The following DOCK9 variants were observed in gnomAD, a reference collection of about 807,000 sequenced individuals.
DOCK9 encodes the protein dedicator of cytokinesis 9, also known as dedicator of cytokinesis protein 9.
In DOCK9, 89 loss-of-function variants were observed where a neutral mutation model predicts 263.3. That is an observed-to-expected ratio of 0.34 (90% CI 0.28 to 0.40). The LOEUF (loss-of-function observed/expected upper bound fraction) is 0.40, where lower values mean the gene tolerates loss of function less well. DOCK9 is among the 10% of genes least tolerant of loss of function. The probability of loss-of-function intolerance (pLI) is 1.00; values close to 1 mark genes in which losing one functional copy is unlikely to be tolerated. For missense variants in DOCK9, 2,140 were observed against 2,603.4 expected, an observed-to-expected ratio of 0.82 and a Z score of 3.87; for synonymous variants, 976 against 973.1, an observed-to-expected ratio of 1.00 and a Z score of -0.06.
At chr13:98,807,602 T>C in intron 48 of DOCK9, 59 bp downstream of exon 48, 1 of 1,392,656 alleles carries the variant, frequency 7.2e-7, no homozygotes, top group Non-Finnish European at 9.6e-7. Flanking sequence ...TAAAAATATA[T>C]AATATGTAAT....
intron 19 of DOCK9, 102 bp from the exon 20 acceptor site, chr13:98,885,933 G>A (rs964876879): frequency 8.9e-7 from 1 of 1,129,340 alleles, no homozygotes. Flanking sequence ...ACGTGCACTT[G>A]TTCTCCGAGC....
intron 15 of DOCK9, among the ~76,000 whole-genome samples, chr13:98,891,391 T>C (rs1408401203): frequency 1.3e-5 from 2 of 152,212 alleles, no homozygotes; most frequent in African/African-American, 4.8e-5. Context: ...TATGAAGTTG[T>C]ATCTGCTTTG....
chr13:99,036,998 C>G (rs1396263903), intron 1 of DOCK9, among the ~76,000 whole-genome samples: 2 of 152,202 alleles, frequency 1.3e-5, no homozygotes, highest in Non-Finnish European at 2.9e-5. Flanking sequence ...GATACAGTTT[C>G]TGCCCTCATA....
In DOCK9 at chr13:98,912,639, C is replaced by A. The variant is rs181456297; in HGVS notation, c.960+1689G>T. On this transcript the variant is annotated intron_variant, in intron 9 of 52. Coordinates refer to ENST00000682017, the MANE Select transcript of DOCK9 (RefSeq NM_001366683.2). ...AATATATGTATATCTTAAAAAATCT[C>A]CCTAGGTCTTGGGATCAAACAATAC... Among the ~76,000 whole-genome samples the A allele has an allele frequency of 1.4e-3, 210 of 151,894 alleles. 1 individual carries two copies. The highest frequency in any genetic ancestry group is 4.5e-3 in the African/African-American group (186 of 41,448).
chr13:98,861,772 T>G (rs952989786), intron 32 of DOCK9, among the ~76,000 whole-genome samples: 3 of 152,088 alleles, frequency 2.0e-5, no homozygotes, highest in African/African-American at 7.2e-5. Flanking sequence ...ATTTCTGGGG[T>G]CATCTCTCTA....
At chr13:98,848,076 A>G (rs555197777) in intron 37 of DOCK9, among the ~76,000 whole-genome samples, 27 of 152,328 alleles carry the variant, frequency 1.8e-4, no homozygotes, top group African/African-American at 6.5e-4. Flanking sequence ...AGGAAGAGAA[A>G]AGGCTCCATT....
intron 3 of DOCK9, among the ~76,000 whole-genome samples, chr13:98,926,642 G>A (rs2053017610): frequency 6.6e-6 from 1 of 152,214 alleles, no homozygotes; most frequent in African/African-American, 2.4e-5. Flanking sequence ...TAAAGCCTAA[G>A]ATTATAATGC....
chr13:98,799,435 G>C (rs764043893), intron 50 of DOCK9, among the ~76,000 whole-genome samples: 1 of 152,166 alleles, frequency 6.6e-6, no homozygotes, highest in African/African-American at 2.4e-5. Flanking sequence ...CTTGTTACTG[G>C]AGGGAGTGAT....
At chr13:99,085,741 G>T (rs1220354646) in intron 1 of DOCK9, among the ~76,000 whole-genome samples, 1 of 151,950 alleles carries the variant, frequency 6.6e-6, no homozygotes, top group Non-Finnish European at 1.5e-5. Context: ...CAACTCAAAG[G>T]GTTAGCAGGG....
rs764290158 is a variant in DOCK9, at chr13:98,877,960, C to T, written c.2943+1938G>A. ...GTCATGGGCTGACCTGTGCCCCCCTCGAATTCATATGTTGAAGTCCTAACC... is the reference window on the plus strand; with the variant it reads ...GTCATGGGCTGACCTGTGCCCCCCTTGAATTCATATGTTGAAGTCCTAACC... On this transcript the variant is annotated intron_variant, in intron 27 of 52. Coordinates refer to ENST00000682017, the MANE Select transcript of DOCK9 (RefSeq NM_001366683.2). Among the ~76,000 whole-genome samples the T allele has an allele frequency of 6.6e-5, 10 of 152,302 alleles. No individual in the cohort carries two copies. The East Asian group carries it at 1.9e-3, about 29-fold the overall frequency.
Position 98,794,698 on chromosome 13 carries a change from G to C in DOCK9, c.6207C>G (p.Ile2069Met). 6.2e-7 allele frequency: 1 copy of C among 1,613,962 alleles called. No homozygotes were observed. The highest frequency in any genetic ancestry group is 1.1e-5 in the South Asian group (1 of 91,064). The change falls in exon 53 of 53, where the codon ATC (isoleucine) becomes ATG (methionine). Residue 2069 changes from isoleucine to methionine, a missense_variant. Coordinates refer to ENST00000682017, the MANE Select transcript of DOCK9 (RefSeq NM_001366683.2). ...KTSVLPNSLH[I>M]FNAISGTPTS... The stretch of plus-strand genomic sequence containing the variant: ...TTGGAGTCCCACTGATGGCGTTGAA[G>C]ATGTGAAGGGAATTCGGTAAGACGC...
intron 29 of DOCK9, 150 bp downstream of exon 29, chr13:98,867,778 G>A: frequency 1.3e-6 from 1 of 750,912 alleles, no homozygotes. Context: ...TTCAATGAAG[G>A]ACTTCAGGTA....
At chr13:98,837,762 G>T (rs1235906063) in intron 38 of DOCK9, among the ~76,000 whole-genome samples, 153 bp from the exon 39 acceptor site, 1 of 142,108 alleles carries the variant, frequency 7.0e-6, no homozygotes, top group Non-Finnish European at 1.5e-5. Flanking sequence ...GGGGCGGGGT[G>T]GGAGGGGGAA....
rs1043892297 is a variant in DOCK9 at position 99,006,096 on chromosome 13, C to T, written c.130-50545G>A. ...CAAACCTCAGTTAGTAAAATAAGTA[C>T]CATAAAGAAATTAAACAAAATCAAA... On this transcript the variant is annotated intron_variant, in intron 1 of 32. Transcript: ENST00000427887. 3.3e-5 allele frequency among the ~76,000 whole-genome samples: 5 copies of T among 151,966 alleles called. No individual in the cohort carries two copies. The East Asian group carries it at 7.7e-4, about 23-fold the overall frequency.
chr13:98,803,685 C>T (rs1872112458), intron 49 of DOCK9, among the ~76,000 whole-genome samples: 2 of 152,000 alleles, frequency 1.3e-5, no homozygotes, highest in South Asian at 2.1e-4. Flanking sequence ...CATCTGGAAG[C>T]GCAGTTATTT....
At chr13:98,817,451 CTTTT>C (rs10683281) in intron 45 of DOCK9, among the ~76,000 whole-genome samples, 1 of 97,632 alleles carries the variant, frequency 1.0e-5, no homozygotes, top group Non-Finnish European at 1.8e-5. Context: ...ATACACCCAG[CTTTT>C]TTTTTTTTTT....
intron 2 of DOCK9, among the ~76,000 whole-genome samples, chr13:98,937,722 T>A (rs1443674803): frequency 2.6e-5 from 4 of 151,704 alleles, no homozygotes; most frequent in African/African-American, 9.7e-5. Flanking sequence ...GCTTTTTTTT[T>A]TTTTTTAACA....
intron 27 of DOCK9, among the ~76,000 whole-genome samples, chr13:98,872,414 T>TG (rs1491058893): frequency 9.6e-6 from 1 of 104,386 alleles, no homozygotes; most frequent in Non-Finnish European, 2.3e-5. Flanking sequence ...TTTTGTTTTT[T>TG]GTTTTTTTTT....
chr13:99,050,396 T>G (rs542980894), intron 1 of DOCK9, among the ~76,000 whole-genome samples: 3 of 152,118 alleles, frequency 2.0e-5, no homozygotes, highest in Non-Finnish European at 2.9e-5. Context: ...TATTCTCCCA[T>G]CCAATCAACA....
Sources: gnomAD v4.1 joint callset for allele counts (sites outside exome capture counted in the v4.1 genomes callset) on GRCh38, gnomAD v4.1.1 for gene constraint, MANE v1.5 for transcripts, NCBI Gene and HGNC (gene_info 2026-07-23, HGNC 2026-07-21) for gene names.